TEX10: variants seen among roughly 807,000 people sequenced by gnomAD.
TEX10 encodes testis expressed 10.
TEX10 carries 24 observed loss-of-function variants against 104.4 expected under a neutral mutation model. That is an observed-to-expected ratio of 0.23 (90% CI 0.17 to 0.32). TEX10 has a LOEUF of 0.32. Among genes scored for constraint, TEX10 ranks in the 10% least tolerant of loss-of-function variants. The pLI is 1.00. For missense variants in TEX10, 921 were observed against 1,083.9 expected, an observed-to-expected ratio of 0.85 and a Z score of 2.11; for synonymous variants, 396 against 393.4, an observed-to-expected ratio of 1.01 and a Z score of -0.08.
chr9:100,340,529 G>A (rs1338030959), intron 4 of TEX10, among the ~76,000 whole-genome samples, 160 bp from the exon 5 acceptor site: 1 of 152,146 alleles, frequency 6.6e-6, no homozygotes, highest in Non-Finnish European at 1.5e-5. Context: ...AGAATTAACT[G>A]TTAAAGCACC....
chr9:100,346,233 G>A lies in TEX10; in HGVS notation c.976C>T (p.Pro326Ser). ...TCAACCCAGCATTCAATTAGCAATG[G>A]AATTATTATCTCAATAAATCCTTTC... ...NLKGFIEIII[P>S]LLIECWVEAV... is the part of the protein sequence containing the mutation. Residue 326 changes from proline to serine, a missense_variant, in exon 4 of 15, where the codon CCA (proline) becomes TCA (serine). Physicochemically the swap from Pro to Ser is moderately conservative, Grantham distance 74 (BLOSUM62 -1). Coordinates refer to ENST00000374902, the MANE Select transcript of TEX10 (RefSeq NM_017746.4). The A allele has an allele frequency of 6.2e-7, 1 of 1,613,986 alleles. No individual in the cohort carries two copies. The highest frequency in any genetic ancestry group is 2.2e-5 in the East Asian group (1 of 44,858).
chr9:100,315,575 C>T (rs1834395407), intron 11 of TEX10, among the ~76,000 whole-genome samples: 1 of 152,084 alleles, frequency 6.6e-6, no homozygotes, highest in African/African-American at 2.4e-5. Flanking sequence ...GTCTGTTTTA[C>T]CTGTAAAAGT....
chr9:100,345,294 T>C (rs1271471001), intron 4 of TEX10, among the ~76,000 whole-genome samples: 1 of 152,232 alleles, frequency 6.6e-6, no homozygotes, highest in Non-Finnish European at 1.5e-5. Flanking sequence ...TTTTCAAGAC[T>C]ATCAAATACT....
chr9:100,350,337 T>G (rs1835409988), intron 1 of TEX10, among the ~76,000 whole-genome samples: 1 of 152,188 alleles, frequency 6.6e-6, no homozygotes, highest in African/African-American at 2.4e-5. Context: ...GAAACAGCTC[T>G]CTCTGAACAC....
intron 1 of TEX10, among the ~76,000 whole-genome samples, chr9:100,350,119 G>A (rs924082206): frequency 1.3e-5 from 2 of 152,128 alleles, no homozygotes; most frequent in Non-Finnish European, 1.5e-5. Context: ...AAATAACTCA[G>A]GCATAACACC....
chr9:100,343,099 T>C (rs1835213227), intron 4 of TEX10, among the ~76,000 whole-genome samples: 1 of 150,764 alleles, frequency 6.6e-6, no homozygotes. Context: ...ATCGCGCCAC[T>C]GCACTCCAGC....
intron 1 of TEX10, chr9:100,352,456 G>C: frequency 6.4e-7 from 1 of 1,551,736 alleles, no homozygotes; most frequent in Non-Finnish European, 8.7e-7. Context: ...CCTACTCCAA[G>C]GGACGCCGGC....
intron 3 of TEX10, 43 bp from the exon 4 acceptor site, chr9:100,346,358 G>A: frequency 1.9e-6 from 3 of 1,563,726 alleles, no homozygotes; most frequent in Non-Finnish European, 2.6e-6. Flanking sequence ...ATTAAAAAAT[G>A]TTTATTATCC....
At chr9:100,319,864 T>C (rs2118861154) in intron 11 of TEX10, among the ~76,000 whole-genome samples, 1 of 152,260 alleles carries the variant, frequency 6.6e-6, no homozygotes, top group Admixed American at 6.5e-5. Flanking sequence ...CTTCAAAACT[T>C]AAAGAATTTG....
At chr9:100,330,352 T>C (rs949923767) in intron 5 of TEX10, among the ~76,000 whole-genome samples, 183 bp from the exon 6 acceptor site, 2 of 152,248 alleles carry the variant, frequency 1.3e-5, no homozygotes, top group African/African-American at 4.8e-5. Context: ...CATTTCATTA[T>C]GGAATCAGAG....
At chr9:100,352,606 G>A (rs1587750113) in intron 1 of TEX10, 166 bp downstream of exon 1, 5 of 1,488,254 alleles carry the variant, frequency 3.4e-6, no homozygotes, top group Admixed American at 2.1e-5. Flanking sequence ...AGTGCCGGCC[G>A]CACACCCAGG....
chr9:100,330,980 G>C (rs1834847749), intron 5 of TEX10, among the ~76,000 whole-genome samples: 1 of 152,126 alleles, frequency 6.6e-6, no homozygotes, highest in Non-Finnish European at 1.5e-5. Context: ...TTAAAGCCAG[G>C]CATGGGAGCT....
Position 100,338,735 on chromosome 9 carries a change from T to G in TEX10, c.1250+1522A>C, listed in dbSNP as rs138759940. On this transcript the variant is annotated intron_variant, in intron 5 of 14. Transcript: ENST00000374902. ...AAAGAAACCCCATCTCTACTAAAAATACAAAAATTAGCCAGGCGTGGTGGT... is the reference window on the plus strand; with the variant it reads ...AAAGAAACCCCATCTCTACTAAAAAGACAAAAATTAGCCAGGCGTGGTGGT... Among the ~76,000 whole-genome samples, 725 of 152,024 alleles carry G rather than the reference T, an allele frequency of 4.8e-3. 5 individuals carry two copies. The highest frequency in any genetic ancestry group is 0.017 in the African/African-American group (695 of 41,456).
chr9:100,339,336 T>C (rs1835109578), intron 5 of TEX10, among the ~76,000 whole-genome samples: 1 of 132,440 alleles, frequency 7.6e-6, no homozygotes, highest in South Asian at 2.4e-4. Flanking sequence ...ATTTATATAT[T>C]ATATATAATA....
chr9:100,305,277 C>A (rs924006138), intron 13 of TEX10: 1 of 152,186 alleles, frequency 6.6e-6, no homozygotes, highest in Non-Finnish European at 1.5e-5. Context: ...GGGAGCAGCC[C>A]CTTCACTATA....
At chr9:100,344,705 G>A (rs1369390595) in intron 4 of TEX10, among the ~76,000 whole-genome samples, 1 of 152,124 alleles carries the variant, frequency 6.6e-6, no homozygotes, top group East Asian at 1.9e-4. Flanking sequence ...AATTAGCCAC[G>A]CATGGTGGCG....
chr9:100,326,511 C>A, intron 8 of TEX10, 32 bp from the exon 9 acceptor site: 1 of 1,569,056 alleles, frequency 6.4e-7, no homozygotes, highest in South Asian at 1.2e-5. Context: ...TTAAAAACAA[C>A]TATAAAAGAC....
At position 100,329,279 on chromosome 9, in the gene TEX10, C is replaced by CA; in HGVS notation, c.1490-5dup. 6.3e-7 allele frequency: 1 copy of CA among 1,589,306 alleles called. No individual in the cohort carries two copies. The highest frequency in any genetic ancestry group is 8.5e-7 in the Non-Finnish European group (1 of 1,174,730). ...TTAATAAGAGTCTCTGTGTCCTCTA[C>CA]AAACAGAAAGAAAACAACTTGCATA... On this transcript the variant is annotated splice_polypyrimidine_tract_variant and splice_region_variant and intron_variant, in intron 6 of 14. Coordinates refer to ENST00000374902, the MANE Select transcript of TEX10 (RefSeq NM_017746.4).
chr9:100,311,401 A>G (rs1834278513), intron 11 of TEX10, among the ~76,000 whole-genome samples: 2 of 152,164 alleles, frequency 1.3e-5, no homozygotes, highest in Admixed American at 1.3e-4. Context: ...CACTGTCTCC[A>G]AAAAATAAGT....
Sources: allele counts gnomAD v4.1 joint callset (sites outside exome capture counted in the v4.1 genomes callset), GRCh38; gene constraint gnomAD v4.1.1; transcripts MANE v1.5; gene names NCBI Gene and HGNC (gene_info 2026-07-23, HGNC 2026-07-21).